The following HSDL2 variants were observed in gnomAD, a reference collection of about 807,000 sequenced individuals.
HSDL2 encodes hydroxysteroid dehydrogenase like 2.
A neutral mutation model predicts 46.3 loss-of-function variants in HSDL2; 27 were observed. The observed-to-expected ratio is 0.58, with a 90% CI of 0.43 to 0.80. HSDL2 has a LOEUF of 0.80. HSDL2 is among the 30% of genes least tolerant of loss of function. HSDL2 has a pLI of 0.00. For synonymous variants in HSDL2, 153 were observed against 163.6 expected, an observed-to-expected ratio of 0.94 and a Z score of 0.50; for missense variants, 451 against 502.7, an observed-to-expected ratio of 0.90 and a Z score of 0.98.
intron 1 of HSDL2, among the ~76,000 whole-genome samples, chr9:112,381,712 A>AGG (rs1025139464): frequency 6.6e-6 from 1 of 152,060 alleles, no homozygotes; most frequent in Non-Finnish European, 1.5e-5. Flanking sequence ...CCATTATCCA[A>AGG]AATGCTTGGT....
rs993456197 is a variant in HSDL2, at chr9:112,389,280, C to A, written c.17+9100C>A. On this transcript the variant is annotated intron_variant, in intron 1 of 10. Transcript: ENST00000398805. ...CTCAAGTGATCCCCGTCTTGGTCTC[C>A]CAAATTGCTGGGATTATAGGCATGA... Among the ~76,000 whole-genome samples, 5 of 152,208 alleles carry A rather than the reference C, an allele frequency of 3.3e-5. No homozygotes were observed. The East Asian group carries it at 5.8e-4, about 18-fold the overall frequency.
At position 112,462,600 on chromosome 9, in the gene HSDL2, A is replaced by ATGTGTG. The variant is rs3032131; in HGVS notation, c.1144+3059_1144+3064dup. Among the ~76,000 whole-genome samples the ATGTGTG allele has an allele frequency of 1.3e-4, 19 of 146,732 alleles. No homozygotes were observed. In the East Asian group the frequency reaches 1.6e-3, roughly 13 times the overall value. On this transcript the variant is annotated intron_variant, in intron 10 of 10. Coordinates refer to ENST00000398805, the MANE Select transcript of HSDL2 (RefSeq NM_032303.5). ...AATATTACTTTACCTGAGGAGGGGG[A>ATGTGTG]TGTGTGTGTGTGTGTGTGTGTGTGT...
rs770049959 is a variant in HSDL2 at position 112,459,449 on chromosome 9, G to C, written c.1016G>C (p.Gly339Ala). Residue 339 changes from glycine to alanine, a missense_variant and splice_region_variant, in exon 10 of 11, where the codon GGT becomes GCT. Gly to Ala is a moderately conservative substitution (Grantham distance 60). Transcript: ENST00000398805. ...GATTTCTATATGTTTATCTCTCTAG[G>C]TGAAGATGGTGGCACGTGGTTTCTT... The part of the protein sequence containing the change: ...TQAIYLFELS[G>A]EDGGTWFLDL... 6.2e-6 allele frequency: 10 copies of C among 1,613,822 alleles called. No homozygotes were observed. Among genetic ancestry groups the C allele is most frequent in the Admixed American group, 5.0e-5 (3 of 60,010 alleles).
intron 4 of HSDL2, among the ~76,000 whole-genome samples, chr9:112,412,364 C>T (rs553563025): frequency 3.3e-5 from 5 of 152,228 alleles, no homozygotes; most frequent in East Asian, 3.9e-4. Flanking sequence ...GCAGATTTAT[C>T]AAAACTAGTA....
At chr9:112,421,745 T>C (rs1832129296) in intron 6 of HSDL2, among the ~76,000 whole-genome samples, 1 of 152,184 alleles carries the variant, frequency 6.6e-6, no homozygotes, top group Non-Finnish European at 1.5e-5. Flanking sequence ...AATTGGAATC[T>C]TTTTCACTGA....
At chr9:112,438,775 C>G (rs912841207) in intron 7 of HSDL2, 150 bp downstream of exon 7, 2 of 512,872 alleles carry the variant, frequency 3.9e-6, no homozygotes, top group East Asian at 6.6e-5. Flanking sequence ...AAACCCATAC[C>G]AACACAACTT....
At chr9:112,419,174 A>AC (rs1159440150) in intron 6 of HSDL2, among the ~76,000 whole-genome samples, 2 of 17,464 alleles carry the variant, frequency 1.1e-4, no homozygotes, top group East Asian at 5.7e-3. Context: ...ATGCCTGGCT[A>AC]ATTTTTGTAT....
At chr9:112,465,465 T>A (rs10114856) in intron 10 of HSDL2, among the ~76,000 whole-genome samples, 145,477 of 152,290 alleles carry the variant, frequency 0.96, 69,546 homozygotes, top group African/African-American at 0.98. Context: ...TTCAGTGACA[T>A]TTAATATATT....
At chr9:112,451,747 T>A (rs2132688698) in intron 8 of HSDL2, among the ~76,000 whole-genome samples, 1 of 143,822 alleles carries the variant, frequency 7.0e-6, no homozygotes, top group Non-Finnish European at 1.5e-5. Context: ...TCCTCTTGCA[T>A]TTTTTTTTTT....
At chr9:112,436,970 T>TTTA (rs1468873766) in intron 6 of HSDL2, among the ~76,000 whole-genome samples, 2 of 145,502 alleles carry the variant, frequency 1.4e-5, no homozygotes, top group Non-Finnish European at 3.0e-5. Context: ...CTTTTTTTTT[T>TTTA]TTTTTTTGAG....
At chr9:112,434,398 G>A (rs974805292) in intron 6 of HSDL2, among the ~76,000 whole-genome samples, 2 of 152,178 alleles carry the variant, frequency 1.3e-5, no homozygotes, top group Non-Finnish European at 2.9e-5. Context: ...AGGGTGAGGC[G>A]ACAAGGTGGC....
At chr9:112,383,362 C>T (rs940993400) in intron 1 of HSDL2, among the ~76,000 whole-genome samples, 8 of 152,034 alleles carry the variant, frequency 5.3e-5, no homozygotes, top group East Asian at 3.9e-4. Flanking sequence ...TGTGAGCCAC[C>T]GTGCCTGGGC....
At chr9:112,439,695 G>T (rs913511021) in intron 7 of HSDL2, among the ~76,000 whole-genome samples, 1 of 152,210 alleles carries the variant, frequency 6.6e-6, no homozygotes, top group Non-Finnish European at 1.5e-5. Context: ...GTAAATAGCG[G>T]ATTATAGTTT....
At chr9:112,402,789 C>G (rs1831637002) in intron 1 of HSDL2, among the ~76,000 whole-genome samples, 1 of 150,948 alleles carries the variant, frequency 6.6e-6, no homozygotes, top group Admixed American at 6.6e-5. Context: ...GGCGTGGTGG[C>G]CCACGCCTGT....
At chr9:112,467,724 C>A (rs1833433957) in intron 10 of HSDL2, among the ~76,000 whole-genome samples, 1 of 152,126 alleles carries the variant, frequency 6.6e-6, no homozygotes. Flanking sequence ...CAAAGTCTTC[C>A]TGTACTCTTC....
rs781758559 is a variant in HSDL2 at position 112,416,850 on chromosome 9, A to G, written c.405A>G (p.Ala135=). Residue 135 remains alanine (A), a synonymous_variant, in exon 5 of 11, where the codon GCA becomes GCG. Transcript: ENST00000398805. ...NTRGTYLASK[A]CIPYLKKSKV... ...TTTCTTTTGCTTTCAGATCTAAAGC[A>G]TGTATTCCTTATTTGAAAAAGAGCA... The G allele has an allele frequency of 4.0e-6, 6 of 1,511,498 alleles. No individual in the cohort carries two copies. The South Asian group carries it at 5.7e-5, about 14-fold the overall frequency. The allele number at this position is 1,511,498 out of a possible 1,614,324, so 93.6% of individuals were successfully genotyped here.
At chr9:112,458,803 G>A (rs982067193) in intron 9 of HSDL2, among the ~76,000 whole-genome samples, 3 of 151,032 alleles carry the variant, frequency 2.0e-5, no homozygotes, top group East Asian at 2.0e-4. Flanking sequence ...AACATGGTGA[G>A]ACCCCGTCTC....
intron 6 of HSDL2, among the ~76,000 whole-genome samples, chr9:112,435,865 T>G (rs1832512710): frequency 6.6e-6 from 1 of 151,992 alleles, no homozygotes; most frequent in Non-Finnish European, 1.5e-5. Flanking sequence ...CCAGAATATC[T>G]GGGATTATAG....
At chr9:112,380,687 G>A (rs975719711) in intron 1 of HSDL2, among the ~76,000 whole-genome samples, 1 of 151,992 alleles carries the variant, frequency 6.6e-6, no homozygotes, top group Non-Finnish European at 1.5e-5. Context: ...TTAAAAAATT[G>A]TGTTAAAATA....
Sources: gnomAD v4.1 joint callset for allele counts (sites outside exome capture counted in the v4.1 genomes callset) on GRCh38, gnomAD v4.1.1 for gene constraint, MANE v1.5 for transcripts, NCBI Gene and HGNC (gene_info 2026-07-23, HGNC 2026-07-21) for gene names.